The following AFAP1 variants were observed in gnomAD, a reference collection of about 807,000 sequenced individuals.
AFAP1 encodes the protein actin filament-associated protein 1.
Under a neutral mutation model 93.9 loss-of-function variants are expected in AFAP1, and 75 were observed. That is an observed-to-expected ratio of 0.80 (90% confidence interval 0.66 to 0.97). AFAP1 has a LOEUF of 0.97. AFAP1 is among the 50% of genes least tolerant of loss of function. The probability of loss-of-function intolerance (pLI) is 0.00; values close to 1 mark genes in which losing one functional copy is unlikely to be tolerated. For missense variants in AFAP1, 1,201 were observed against 1,050.8 expected, an observed-to-expected ratio of 1.14 and a Z score of -1.98; for synonymous variants, 517 against 430.7, an observed-to-expected ratio of 1.20 and a Z score of -2.48.
rs144490086 is a variant in AFAP1, at chr4:7,773,073, G to A, written c.2063-63C>T. The A allele has an allele frequency of 1.2e-5, 19 of 1,540,832 alleles. No individual in the cohort carries two copies. In the African/African-American group the frequency reaches 2.6e-4, roughly 21 times the overall value. On this transcript the variant is annotated intron_variant, in intron 15 of 17. Transcript: ENST00000420658. ...CACAGGTTCTCCAAACAACAGAGAA[G>A]GCACCTGGTCCCCAAGAAGAACTTC...
At chr4:7,807,976 A>G (rs954828278) in intron 9 of AFAP1, among the ~76,000 whole-genome samples, 2 of 152,214 alleles carry the variant, frequency 1.3e-5, no homozygotes, top group African/African-American at 4.8e-5. Context: ...TTGTGTGTAT[A>G]GCCCCATTTA....
chr4:7,825,410 A>C (rs1721334567), intron 6 of AFAP1, among the ~76,000 whole-genome samples: 1 of 152,268 alleles, frequency 6.6e-6, no homozygotes, highest in Non-Finnish European at 1.5e-5. Context: ...AGCTATAACA[A>C]CACTGACTTC....
intron 1 of AFAP1, among the ~76,000 whole-genome samples, chr4:7,922,778 G>A (rs1340505939): frequency 6.6e-6 from 1 of 152,180 alleles, no homozygotes; most frequent in Non-Finnish European, 1.5e-5. Context: ...GAGGCCAGGA[G>A]TTTGAAACCA....
At chr4:7,804,854 G>A (rs1221150686) in intron 9 of AFAP1, among the ~76,000 whole-genome samples, 1 of 152,180 alleles carries the variant, frequency 6.6e-6, no homozygotes, top group African/African-American at 2.4e-5. Context: ...GAGGAGAGGG[G>A]CCTGCAAGAG....
chr4:7,833,251 T>C (rs752816466), intron 6 of AFAP1, among the ~76,000 whole-genome samples: 4 of 152,018 alleles, frequency 2.6e-5, no homozygotes, highest in Admixed American at 6.5e-5. Flanking sequence ...AATCTATATA[T>C]CCCACAAAGG....
intron 1 of AFAP1, among the ~76,000 whole-genome samples, chr4:7,883,644 C>A (rs1717977937): frequency 6.6e-6 from 1 of 152,172 alleles, no homozygotes; most frequent in Admixed American, 6.5e-5. Flanking sequence ...AAAACTGTAG[C>A]TTTCTGCATG....
chr4:7,928,588 A>G (rs912446181), intron 1 of AFAP1, among the ~76,000 whole-genome samples: 17 of 152,268 alleles, frequency 1.1e-4, no homozygotes, highest in African/African-American at 3.4e-4. Flanking sequence ...GGGTTTCACC[A>G]TATTGGCCAG....
chr4:7,852,102 C>A (rs1051062043), intron 4 of AFAP1, among the ~76,000 whole-genome samples: 1 of 152,188 alleles, frequency 6.6e-6, no homozygotes, highest in Admixed American at 6.6e-5. Context: ...TGCCAGCCAA[C>A]TGGTGATACC....
intron 6 of AFAP1, among the ~76,000 whole-genome samples, chr4:7,829,392 C>T (rs1721698636): frequency 2.6e-5 from 4 of 152,194 alleles, no homozygotes. Flanking sequence ...TACAAAAAGA[C>T]TTATTTTCTC....
chr4:7,912,523 G>A (rs1719793151), intron 1 of AFAP1, among the ~76,000 whole-genome samples: 2 of 152,128 alleles, frequency 1.3e-5, no homozygotes. Flanking sequence ...TGTGGCTTTA[G>A]CGTGCATTTT....
chr4:7,918,718 CTGTGGA>C (rs1720247748), intron 1 of AFAP1, among the ~76,000 whole-genome samples: 1 of 125,654 alleles, frequency 8.0e-6, no homozygotes, highest in African/African-American at 3.2e-5. Flanking sequence ...GGAAACAGGG[CTGTGGA>C]TGAGACACTC....
At chr4:7,866,760 G>C (rs1274880404) in intron 3 of AFAP1, among the ~76,000 whole-genome samples, 1 of 152,030 alleles carries the variant, frequency 6.6e-6, no homozygotes, top group Non-Finnish European at 1.5e-5. Flanking sequence ...AATGAGGCCA[G>C]GTGGGGTGGG....
At chr4:7,917,565 G>C (rs942498618) in intron 1 of AFAP1, among the ~76,000 whole-genome samples, 2 of 152,134 alleles carry the variant, frequency 1.3e-5, no homozygotes, top group African/African-American at 2.4e-5. Context: ...GAAACAAGCA[G>C]ATGCATGAAG....
intron 9 of AFAP1, among the ~76,000 whole-genome samples, 180 bp from the exon 10 acceptor site, chr4:7,800,833 A>C (rs1431420365): frequency 6.6e-6 from 1 of 152,224 alleles, no homozygotes; most frequent in Non-Finnish European, 1.5e-5. Flanking sequence ...CTACGGCATC[A>C]CAAGTTTTGG....
At chr4:7,873,175 G>A (rs188175704) in intron 1 of AFAP1, among the ~76,000 whole-genome samples, 57 of 145,134 alleles carry the variant, frequency 3.9e-4, no homozygotes, top group African/African-American at 1.3e-3. Flanking sequence ...CCTGGGAGGC[G>A]GAGGTTTCAG....
At chr4:7,783,646 G>A (rs1716990764) in intron 12 of AFAP1, among the ~76,000 whole-genome samples, 1 of 152,208 alleles carries the variant, frequency 6.6e-6, no homozygotes, top group Non-Finnish European at 1.5e-5. Context: ...GCAGACCTTT[G>A]TTTCTACAAC....
intron 7 of AFAP1, among the ~76,000 whole-genome samples, chr4:7,817,635 T>TGGG (rs11378620): frequency 6.6e-6 from 1 of 151,054 alleles, no homozygotes; most frequent in Non-Finnish European, 1.5e-5. Context: ...AAACAACTAA[T>TGGG]GGGGGGGGCA....
At chr4:7,900,492 G>A (rs1176641260) in intron 1 of AFAP1, among the ~76,000 whole-genome samples, 5 of 152,192 alleles carry the variant, frequency 3.3e-5, no homozygotes, top group Non-Finnish European at 5.9e-5. Flanking sequence ...TAAGTCGGCT[G>A]GACAGTGTGG....
intron 1 of AFAP1, among the ~76,000 whole-genome samples, chr4:7,874,804 C>T (rs891499489): frequency 6.6e-6 from 1 of 151,842 alleles, no homozygotes; most frequent in Non-Finnish European, 1.5e-5. Flanking sequence ...TAAAACAATG[C>T]TACTCTTCTA....
Sources: allele counts gnomAD v4.1 joint callset (sites outside exome capture counted in the v4.1 genomes callset), GRCh38; gene constraint gnomAD v4.1.1; transcripts MANE v1.5; gene names NCBI Gene and HGNC (gene_info 2026-07-23, HGNC 2026-07-21).